Variants in NRG3 observed in about 807,000 individuals in gnomAD.
NRG3 encodes the protein neuregulin 3.
NRG3 carries 31 observed loss-of-function variants against 66.9 expected under a neutral mutation model. The observed-to-expected ratio is 0.46, with a 90% CI of 0.35 to 0.63. NRG3 has a LOEUF of 0.63. Among genes scored for constraint, NRG3 ranks in the 20% least tolerant of loss-of-function variants. The pLI is 0.00. For missense variants in NRG3, 910 were observed against 878.9 expected (o/e 1.04, Z -0.45); for synonymous variants, 393 against 359.4 (o/e 1.09, Z -1.06).
intron 1 of NRG3, among the ~76,000 whole-genome samples, chr10:82,343,586 G>A (rs1338455140): frequency 1.3e-5 from 2 of 152,026 alleles, no homozygotes; most frequent in Non-Finnish European, 2.9e-5. Flanking sequence ...AATAGCCAAA[G>A]CAATCCTAAA....
intron 2 of NRG3, among the ~76,000 whole-genome samples, chr10:82,360,105 G>C (rs1256109536): frequency 6.6e-6 from 1 of 152,170 alleles, no homozygotes; most frequent in Non-Finnish European, 1.5e-5. Flanking sequence ...GACTTTGGCA[G>C]TGCCGCTGCA....
At chr10:82,108,986 C>T (rs1344558049) in intron 1 of NRG3, among the ~76,000 whole-genome samples, 1 of 152,160 alleles carries the variant, frequency 6.6e-6, no homozygotes, top group Non-Finnish European at 1.5e-5. Flanking sequence ...GGCCATTACC[C>T]TTCACTAGAA....
chr10:82,007,027 G>C (rs2061398194), intron 1 of NRG3, among the ~76,000 whole-genome samples: 1 of 151,930 alleles, frequency 6.6e-6, no homozygotes, highest in Non-Finnish European at 1.5e-5. Flanking sequence ...ATTGCCTTAA[G>C]GACATTTGGG....
chr10:82,173,633 A>G (rs1186045797), intron 1 of NRG3, among the ~76,000 whole-genome samples: 2 of 151,670 alleles, frequency 1.3e-5, no homozygotes, highest in Admixed American at 6.6e-5. Flanking sequence ...CAAGAGACCT[A>G]GAGACCCTCA....
intron 2 of NRG3, among the ~76,000 whole-genome samples, chr10:82,420,053 G>A (rs1283488788): frequency 6.6e-6 from 1 of 152,158 alleles, no homozygotes; most frequent in Non-Finnish European, 1.5e-5. Context: ...TAAATGGCCT[G>A]CAAATCTTTT....
chr10:82,110,250 A>G (rs755014988), intron 1 of NRG3, among the ~76,000 whole-genome samples: 4 of 152,158 alleles, frequency 2.6e-5, no homozygotes, highest in Admixed American at 6.5e-5. Flanking sequence ...CAAATAAAAA[A>G]TCCTTTGGAT....
intron 2 of NRG3, among the ~76,000 whole-genome samples, chr10:82,510,061 C>T (rs553149496): frequency 3.7e-4 from 56 of 152,256 alleles, no homozygotes; most frequent in Admixed American, 3.3e-3. Context: ...GATTCTAACT[C>T]ATCCTTCAAG....
chr10:82,936,409 G>A (rs1379800800), intron 4 of NRG3, among the ~76,000 whole-genome samples: 1 of 152,162 alleles, frequency 6.6e-6, no homozygotes, highest in African/African-American at 2.4e-5. Context: ...CTGTTCTCAT[G>A]GAAATTGAGA....
At chr10:82,669,217 A>G (rs1365482998) in intron 2 of NRG3, among the ~76,000 whole-genome samples, 1 of 150,514 alleles carries the variant, frequency 6.6e-6, no homozygotes, top group African/African-American at 2.4e-5. Context: ...AATGAAGGTA[A>G]GTAACTTGGA....
intron 6 of NRG3, among the ~76,000 whole-genome samples, chr10:82,961,689 T>C (rs1436188127): frequency 2.0e-5 from 3 of 152,144 alleles, no homozygotes; most frequent in Non-Finnish European, 4.4e-5. Flanking sequence ...CAATGCACAA[T>C]AACCTCCCTC....
intron 1 of NRG3, among the ~76,000 whole-genome samples, chr10:82,041,727 T>G (rs2063047288): frequency 1.3e-5 from 2 of 151,946 alleles, no homozygotes; most frequent in Non-Finnish European, 2.9e-5. Flanking sequence ...TCCCTCCTTC[T>G]ATCCTTCTCT....
At chr10:82,007,765 C>A (rs949705510) in intron 1 of NRG3, among the ~76,000 whole-genome samples, 1 of 151,990 alleles carries the variant, frequency 6.6e-6, no homozygotes, top group Non-Finnish European at 1.5e-5. Context: ...ACCAGGATAG[C>A]AACCTCATGG....
chr10:82,580,339 C>A (rs936246478), intron 2 of NRG3, among the ~76,000 whole-genome samples: 1 of 150,532 alleles, frequency 6.6e-6, no homozygotes, highest in Admixed American at 6.6e-5. Flanking sequence ...TATAATCACT[C>A]CCCCCCCACA....
At chr10:82,266,605 T>G (rs1441885094) in intron 1 of NRG3, among the ~76,000 whole-genome samples, 2 of 152,138 alleles carry the variant, frequency 1.3e-5, no homozygotes, top group Non-Finnish European at 2.9e-5. Flanking sequence ...CAGAATCACT[T>G]GGGAGAATCC....
At chr10:82,014,456 A>G (rs1373723798) in intron 1 of NRG3, among the ~76,000 whole-genome samples, 1 of 152,200 alleles carries the variant, frequency 6.6e-6, no homozygotes, top group Non-Finnish European at 1.5e-5. Context: ...CCTCGGCAAT[A>G]AAATAGCTAA....
At chr10:82,005,898 TG>T (rs2061361864) in intron 1 of NRG3, among the ~76,000 whole-genome samples, 2 of 5,378 alleles carry the variant, frequency 3.7e-4, no homozygotes, top group African/African-American at 0.019. Context: ...ATGTGTATTT[TG>T]TGTGTGTGTG....
chr10:82,091,810 A>G (rs578224326), intron 1 of NRG3, among the ~76,000 whole-genome samples: 1 of 152,290 alleles, frequency 6.6e-6, no homozygotes, highest in African/African-American at 2.4e-5. Flanking sequence ...TCTCACCGAC[A>G]CTTGTGATTT....
chr10:82,672,458 C>A (rs1007673450), intron 2 of NRG3, among the ~76,000 whole-genome samples: 3 of 152,058 alleles, frequency 2.0e-5, no homozygotes, highest in African/African-American at 7.2e-5. Flanking sequence ...ATATGTGACC[C>A]CATGGCAAAC....
At chr10:82,272,307 T>A (rs1441629822) in intron 1 of NRG3, among the ~76,000 whole-genome samples, 10 of 152,018 alleles carry the variant, frequency 6.6e-5, no homozygotes, top group Admixed American at 6.6e-4. Context: ...AAGGGCCAGT[T>A]GGTAGCTACC....
Sources: allele counts gnomAD v4.1 joint callset (sites outside exome capture counted in the v4.1 genomes callset), GRCh38; gene constraint gnomAD v4.1.1; transcripts MANE v1.5; gene names NCBI Gene and HGNC (gene_info 2026-07-23, HGNC 2026-07-21).